Variants in CACNG2 observed in about 807,000 individuals in gnomAD.
CACNG2 encodes the protein voltage-dependent calcium channel gamma-2 subunit.
A neutral mutation model predicts 25.9 loss-of-function variants in CACNG2; 3 were observed. The observed-to-expected ratio is 0.12, with a 90% CI of 0.05 to 0.30. CACNG2 has a LOEUF of 0.30. Ranked by LOEUF, CACNG2 falls within the 10% of genes least tolerant of loss-of-function variation. The pLI, the probability that CACNG2 is intolerant of heterozygous loss-of-function variation, is 1.00. For missense variants in CACNG2, 341 were observed against 432.5 expected (o/e 0.79, Z 1.88); for synonymous variants, 167 against 173.3 (o/e 0.96, Z 0.29).
chr22:36,602,382 AAT>A (rs766342807), intron 1 of CACNG2, among the ~76,000 whole-genome samples: 4 of 150,466 alleles, frequency 2.7e-5, no homozygotes, highest in Admixed American at 6.7e-5. Context: ...ACATTCTAAA[AAT>A]ATATATATAT....
rs373241372 is a variant in CACNG2, at chr22:36,681,031, T to A, written c.211+21335A>T. Among the ~76,000 whole-genome samples, 1,242 of 152,330 alleles carry A rather than the reference T, an allele frequency of 8.2e-3. 22 individuals are homozygous for A. The highest frequency in any genetic ancestry group is 0.028 in the African/African-American group (1,184 of 41,568). ...GAATGAGAATGAAAAACAGAAAAAT[T>A]ATTCTTTTTTTATTATTCTAAGAAT... On this transcript the variant is annotated intron_variant, in intron 1 of 3. Coordinates refer to ENST00000300105, the MANE Select transcript of CACNG2 (RefSeq NM_006078.5).
intron 3 of CACNG2, among the ~76,000 whole-genome samples, chr22:36,565,209 C>G (rs780988876): frequency 6.6e-6 from 1 of 152,204 alleles, no homozygotes; most frequent in Non-Finnish European, 1.5e-5. Flanking sequence ...GCTTTCACTG[C>G]TTGGTGCTTC....
chr22:36,610,910 C>T (rs1296632925), intron 1 of CACNG2, among the ~76,000 whole-genome samples: 1 of 152,220 alleles, frequency 6.6e-6, no homozygotes. Flanking sequence ...AAGGCTACTC[C>T]CCACCTCCCT....
chr22:36,658,807 G>T (rs918961788), intron 1 of CACNG2, among the ~76,000 whole-genome samples: 1 of 152,176 alleles, frequency 6.6e-6, no homozygotes, highest in African/African-American at 2.4e-5. Context: ...GGGGTGTGGG[G>T]ACAGGGCAAG....
intron 2 of CACNG2, among the ~76,000 whole-genome samples, chr22:36,586,388 C>G (rs539391375): frequency 1.3e-5 from 2 of 152,316 alleles, no homozygotes; most frequent in Admixed American, 6.5e-5. Flanking sequence ...AAATGAAGAG[C>G]AGGGTATGAT....
At chr22:36,660,857 G>A (rs1434792963) in intron 1 of CACNG2, among the ~76,000 whole-genome samples, 1 of 152,194 alleles carries the variant, frequency 6.6e-6, no homozygotes, top group Non-Finnish European at 1.5e-5. Context: ...TTCTTTACTA[G>A]CTATGTGACT....
intron 2 of CACNG2, among the ~76,000 whole-genome samples, chr22:36,584,021 A>C (rs1241368325): frequency 6.6e-6 from 1 of 152,128 alleles, no homozygotes. Flanking sequence ...TCTTCCCCAG[A>C]AATCTTCTTA....
At chr22:36,684,661 A>G (rs963485771) in intron 1 of CACNG2, among the ~76,000 whole-genome samples, 6 of 151,976 alleles carry the variant, frequency 3.9e-5, no homozygotes, top group African/African-American at 1.4e-4. Flanking sequence ...TGTTTGATTA[A>G]TAACAGTCCT....
chr22:36,566,288 G>A (rs1047639974), intron 3 of CACNG2, 65 bp downstream of exon 3: 41 of 1,514,368 alleles, frequency 2.7e-5, no homozygotes, highest in Admixed American at 6.7e-5. Flanking sequence ...CCAGGCCCTC[G>A]TGGCCCCTGA....
At chr22:36,687,915 G>A (rs948113625) in intron 1 of CACNG2, among the ~76,000 whole-genome samples, 7 of 152,180 alleles carry the variant, frequency 4.6e-5, no homozygotes, top group Admixed American at 3.3e-4. Context: ...AAGGAATGCA[G>A]CCCTGCCCAC....
At chr22:36,665,058 T>A (rs893878283) in intron 1 of CACNG2, among the ~76,000 whole-genome samples, 2 of 152,056 alleles carry the variant, frequency 1.3e-5, no homozygotes, top group Non-Finnish European at 2.9e-5. Flanking sequence ...GGGAGAGGCT[T>A]GTTAACAGGA....
chr22:36,651,280 G>A (rs1290809820), intron 1 of CACNG2, among the ~76,000 whole-genome samples: 3 of 138,326 alleles, frequency 2.2e-5, no homozygotes, highest in African/African-American at 5.5e-5. Flanking sequence ...CCAGGCTGGA[G>A]TGTAGTGATG....
chr22:36,611,846 G>A (rs1935947178), intron 1 of CACNG2, among the ~76,000 whole-genome samples: 1 of 152,162 alleles, frequency 6.6e-6, no homozygotes, highest in Admixed American at 6.5e-5. Flanking sequence ...AGCCGTCTCG[G>A]GGACAAGGGA....
chr22:36,569,737 G>C (rs902602312), intron 2 of CACNG2, among the ~76,000 whole-genome samples: 2 of 152,008 alleles, frequency 1.3e-5, no homozygotes, highest in Non-Finnish European at 2.9e-5. Flanking sequence ...ATGGGTTTTC[G>C]CCATGTTGGC....
chr22:36,656,883 T>C (rs929881294), intron 1 of CACNG2, among the ~76,000 whole-genome samples: 3 of 152,228 alleles, frequency 2.0e-5, no homozygotes, highest in Non-Finnish European at 2.9e-5. Flanking sequence ...CCTGTTTAAT[T>C]CTTCTCTGCA....
intron 1 of CACNG2, among the ~76,000 whole-genome samples, chr22:36,695,423 C>T (rs578113795): frequency 6.6e-6 from 1 of 151,954 alleles, no homozygotes; most frequent in African/African-American, 2.4e-5. Context: ...CTAACAAAGC[C>T]CTTTGGGTCC....
At position 36,623,602 on chromosome 22, in the gene CACNG2, ACTTCGTTAG is replaced by A. The variant is rs1936141074; in HGVS notation, c.212-36063_212-36055del. 2.0e-5 allele frequency among the ~76,000 whole-genome samples: 3 copies of A among 152,214 alleles called. No homozygotes were observed. The South Asian group carries it at 6.2e-4, about 32-fold the overall frequency. ...GCCTGGCCAGAGTCTGCCCCCGGTG[ACTTCGTTAG>A]CTGGTAATTGACACAGAAAGACTGA... On this transcript the variant is annotated intron_variant, in intron 1 of 3. Transcript: ENST00000300105.
intron 1 of CACNG2, among the ~76,000 whole-genome samples, chr22:36,628,978 T>C (rs1936227185): frequency 1.5e-5 from 2 of 137,398 alleles, no homozygotes; most frequent in Admixed American, 1.4e-4. Flanking sequence ...CAGGGAGAGC[T>C]TGGCATAAAT....
At chr22:36,589,568 A>C (rs1183032496) in intron 1 of CACNG2, among the ~76,000 whole-genome samples, 1 of 152,150 alleles carries the variant, frequency 6.6e-6, no homozygotes, top group African/African-American at 2.4e-5. Flanking sequence ...CCCTGTACCA[A>C]ATTCACTAAC....
Sources: allele counts gnomAD v4.1 joint callset (sites outside exome capture counted in the v4.1 genomes callset), GRCh38; gene constraint gnomAD v4.1.1; transcripts MANE v1.5; gene names NCBI Gene and HGNC (gene_info 2026-07-23, HGNC 2026-07-21).